The following CSF1R variants were observed in gnomAD, a reference collection of about 807,000 sequenced individuals.
CSF1R encodes the protein macrophage colony-stimulating factor 1 receptor.
In CSF1R, 40 loss-of-function variants were observed where a neutral mutation model predicts 110.0. The observed-to-expected ratio is 0.36, with a 90% CI of 0.28 to 0.47. The LOEUF (loss-of-function observed/expected upper bound fraction) is 0.47, where lower values mean the gene tolerates loss of function less well. Ranked by LOEUF, CSF1R falls within the 20% of genes least tolerant of loss-of-function variation. CSF1R has a pLI of 0.99. For missense variants in CSF1R, 1,052 were observed against 1,253.0 expected, an observed-to-expected ratio of 0.84 and a Z score of 2.42; for synonymous variants, 523 against 503.4, an observed-to-expected ratio of 1.04 and a Z score of -0.52.
intron 1 of CSF1R, among the ~76,000 whole-genome samples, chr5:150,086,018 C>T (rs529541910): frequency 2.0e-5 from 3 of 152,310 alleles, no homozygotes; most frequent in African/African-American, 4.8e-5. Flanking sequence ...CTTGTATGCA[C>T]AGGAAAGTAT....
intron 4 of CSF1R, 123 bp from the exon 5 acceptor site, chr5:150,077,558 G>T: frequency 9.3e-7 from 1 of 1,074,080 alleles, no homozygotes; most frequent in Non-Finnish European, 1.4e-6. Context: ...TGCTTCACTT[G>T]TAAAATGGGG....
intron 6 of CSF1R, among the ~76,000 whole-genome samples, chr5:150,071,004 A>C (rs753096162): frequency 3.5e-4 from 53 of 152,334 alleles, no homozygotes; most frequent in Non-Finnish European, 4.6e-4. Flanking sequence ...TGCTGCAGAG[A>C]CTGGGGTTCA....
intron 12 of CSF1R, 136 bp downstream of exon 12, chr5:150,061,355 A>G: frequency 1.3e-6 from 1 of 751,438 alleles, no homozygotes; most frequent in Non-Finnish European, 2.1e-6. Context: ...AGAAAACCCA[A>G]GTCCTCACCC....
intron 3 of CSF1R, among the ~76,000 whole-genome samples, 154 bp downstream of exon 3, chr5:150,079,898 T>C (rs1027945155): frequency 4.6e-5 from 7 of 152,146 alleles, no homozygotes; most frequent in Non-Finnish European, 8.8e-5. Flanking sequence ...TCCTGCCCCA[T>C]AGATGATCGT....
At chr5:150,057,649 G>A in intron 14 of CSF1R, 57 bp from the exon 15 acceptor site, 1 of 1,386,476 alleles carries the variant, frequency 7.2e-7, no homozygotes, top group East Asian at 2.3e-5. Context: ...GCACTGCTCA[G>A]CTCAGGCCTT....
At chr5:150,069,258 C>T (rs964698094) in intron 9 of CSF1R, among the ~76,000 whole-genome samples, 1 of 152,126 alleles carries the variant, frequency 6.6e-6, no homozygotes, top group Non-Finnish European at 1.5e-5. Flanking sequence ...TTGTCAAAAG[C>T]CTGAGGATGC....
At chr5:150,104,316 C>A (rs1759485638) in intron 1 of CSF1R, among the ~76,000 whole-genome samples, 1 of 152,268 alleles carries the variant, frequency 6.6e-6, no homozygotes, top group Non-Finnish European at 1.5e-5. Context: ...GCCTAGGCCA[C>A]CTTGGCAGGA....
chr5:150,059,758 C>T lies in CSF1R; in HGVS notation c.2074G>A (p.Asp692Asn), dbSNP rs1361838453. The stretch of plus-strand genomic sequence containing the variant: ...TTATAGTCGACGCCTCCCTCGGGGT[C>T]CTGGCCGGGGCTCAGGCTGGGTCCC... ...MLGPSLSPGQ[D>N]PEGGVDYKNI... Residue 692 changes from aspartate (D) to asparagine (N), a missense_variant, in exon 14 of 21, where the codon GAC (aspartate) becomes AAC (asparagine). Asp to Asn is a conservative substitution (Grantham distance 23). Coordinates refer to ENST00000675795, the MANE Select transcript of CSF1R (RefSeq NM_001288705.3). 1 of 1,614,154 alleles carries T rather than the reference C, an allele frequency of 6.2e-7. No individual in the cohort carries two copies. The highest frequency in any genetic ancestry group is 1.7e-5 in the Admixed American group (1 of 60,036).
chr5:150,060,141 C>T (rs1174479883), intron 13 of CSF1R, among the ~76,000 whole-genome samples: 1 of 151,962 alleles, frequency 6.6e-6, no homozygotes, highest in Non-Finnish European at 1.5e-5. Context: ...TCCTGGCTAA[C>T]ATGGTGAAAC....
chr5:150,058,288 G>A lies in CSF1R; in HGVS notation c.2133-696C>T, dbSNP rs150191611. ...AAGAGATGCCTATGAGAGCACACTT[G>A]GGGTAGAGAATTTGAGAAGCACTAC... On this transcript the variant is annotated intron_variant, in intron 14 of 20. Transcript: ENST00000675795. 3.4e-4 allele frequency: 157 copies of A among 456,294 alleles called. No homozygotes were observed. The Middle Eastern group carries it at 0.011, about 31-fold the overall frequency. 28.3% of individuals were successfully genotyped at this position (456,294 alleles called of 1,614,324 possible).
intron 1 of CSF1R, among the ~76,000 whole-genome samples, chr5:150,103,170 G>A (rs1307027385): frequency 3.3e-5 from 5 of 152,218 alleles, no homozygotes; most frequent in Non-Finnish European, 7.3e-5. Context: ...TTTCTGAGTC[G>A]AAGGCCTAGG....
At chr5:150,056,523 AT>A (rs1757225245) in intron 16 of CSF1R, among the ~76,000 whole-genome samples, 182 bp from the exon 17 acceptor site, 1 of 152,138 alleles carries the variant, frequency 6.6e-6, no homozygotes, top group South Asian at 2.1e-4. Context: ...GAGAATGTGT[AT>A]CGTGATCTGA....
intron 10 of CSF1R, among the ~76,000 whole-genome samples, chr5:150,064,555 C>A (rs1380501672): frequency 6.6e-6 from 1 of 152,208 alleles, no homozygotes; most frequent in African/African-American, 2.4e-5. Context: ...CCGTGGGTGC[C>A]TTCCCAGCCC....
chr5:150,087,474 C>T (rs1318787863), upstream of CSF1R, among the ~76,000 whole-genome samples: 1 of 152,224 alleles, frequency 6.6e-6, no homozygotes, highest in African/African-American at 2.4e-5. Flanking sequence ...ATGCCTTAAG[C>T]TTGTCCATAG....
At position 150,057,512 on chromosome 5, in the gene CSF1R, GAGA is replaced by G. The variant is rs1757278522; in HGVS notation, c.2210_2212del (p.Phe737del). On this transcript the variant is annotated inframe_deletion, in exon 15 of 21. Transcript: ENST00000675795. ...CCCTGGGACCTCCTCACCTTGCTCA[GAGA>G]AGGAGTCATTTGAAGAAGTGGAGAC... 6.2e-6 allele frequency: 10 copies of G among 1,614,158 alleles called. No individual in the cohort carries two copies. The highest frequency in any genetic ancestry group is 1.7e-5 in the Admixed American group (1 of 60,032).
At chr5:150,105,240 C>T (rs1181135680) in intron 1 of CSF1R, among the ~76,000 whole-genome samples, 3 of 146,224 alleles carry the variant, frequency 2.1e-5, no homozygotes, top group Admixed American at 2.0e-4. Flanking sequence ...CCCAGCTGCT[C>T]AGGAGGCTGA....
intron 1 of CSF1R, among the ~76,000 whole-genome samples, chr5:150,113,088 G>A (rs1308764218): frequency 6.6e-6 from 1 of 152,168 alleles, no homozygotes; most frequent in Non-Finnish European, 1.5e-5. Flanking sequence ...CTGGCCCTGT[G>A]TTGCTGCCGG....
chr5:150,053,468 T>C lies in CSF1R; in HGVS notation c.*601A>G, dbSNP rs1410102091. 3 of 235,388 alleles carry C rather than the reference T, an allele frequency of 1.3e-5. No individual in the cohort carries two copies. The East Asian group carries it at 1.8e-4, about 14-fold the overall frequency. 14.6% of individuals were successfully genotyped at this position (235,388 alleles called of 1,614,324 possible). A position where few individuals can be genotyped will look rare whatever the true frequency, so the allele number is the denominator to read the frequency against. On this transcript the variant is annotated 3_prime_UTR_variant, in exon 21 of 21. Coordinates refer to ENST00000675795, the MANE Select transcript of CSF1R (RefSeq NM_001288705.3). ...GACTGGGCAGAACACCCCCAACTTT[T>C]AGCTGCCACTTGGCTCATTACAGCA...
intron 5 of CSF1R, among the ~76,000 whole-genome samples, chr5:150,074,889 C>G (rs1758196804): frequency 6.6e-6 from 1 of 152,186 alleles, no homozygotes; most frequent in Admixed American, 6.5e-5. Context: ...CCTAACATCC[C>G]TGAACACACC....
Sources: allele counts gnomAD v4.1 joint callset (sites outside exome capture counted in the v4.1 genomes callset), GRCh38; gene constraint gnomAD v4.1.1; transcripts MANE v1.5; gene names NCBI Gene and HGNC (gene_info 2026-07-23, HGNC 2026-07-21).